The following WDR74 variants were observed in gnomAD, a reference collection of about 807,000 sequenced individuals.
The protein encoded by WDR74 is WD repeat domain 74.
Under a neutral mutation model 45.6 loss-of-function variants are expected in WDR74, and 31 were observed. The observed-to-expected ratio is 0.68, with a 90% confidence interval of 0.51 to 0.92. WDR74 has a LOEUF of 0.92. Ranked by LOEUF, WDR74 falls within the 40% of genes least tolerant of loss-of-function variation. The probability of loss-of-function intolerance (pLI) is 0.00; values close to 1 mark genes in which losing one functional copy is unlikely to be tolerated. For synonymous variants in WDR74, 191 were observed against 192.4 expected, an observed-to-expected ratio of 0.99 and a Z score of 0.06; for missense variants, 455 against 497.2, an observed-to-expected ratio of 0.92 and a Z score of 0.81.
chr11:62,839,096 C>T lies in WDR74; in HGVS notation c.293+18G>A, dbSNP rs1453693815. On this transcript the variant is annotated intron_variant, in intron 3 of 10. Transcript: ENST00000278856. ...GCTCTCCCTTCGGCCCTGAGTTTAG[C>T]GAGGGGATTGGTCTTACCCGTCGGC... 2 of 1,612,410 alleles carry T rather than the reference C, an allele frequency of 1.2e-6. No individual in the cohort carries two copies. The highest frequency in any genetic ancestry group is 1.7e-5 in the Admixed American group (1 of 60,004).
At chr11:62,841,457 T>A (rs547114062), upstream of WDR74, 1 of 152,200 alleles carries the variant, frequency 6.6e-6, no homozygotes, top group Non-Finnish European at 1.5e-5. Flanking sequence ...TGCTCAGTTA[T>A]AAAACAAAAC....
chr11:62,838,682 CG>C (rs2084995582), intron 3 of WDR74, among the ~76,000 whole-genome samples: 1 of 150,326 alleles, frequency 6.7e-6, no homozygotes, highest in South Asian at 2.1e-4. Flanking sequence ...CGCTTGAACC[CG>C]GGAGGCGGAG....
intron 6 of WDR74, chr11:62,834,740 C>A (rs1273733186): frequency 5.4e-6 from 3 of 551,732 alleles, no homozygotes; most frequent in South Asian, 4.7e-5. Context: ...GGGAGAGGTC[C>A]CCTAGGTTGG....
At position 62,833,026 on chromosome 11, in the gene WDR74, C is replaced by A; in HGVS notation, c.1084G>T (p.Gly362Cys). 1 of 1,609,952 alleles carries A rather than the reference C, an allele frequency of 6.2e-7. No homozygotes were observed. Among genetic ancestry groups the A allele is most frequent in the South Asian group, 1.1e-5 (1 of 90,306 alleles). Residue 362 changes from glycine (G) to cysteine (C), a missense_variant, in exon 11 of 11, where the codon GGT becomes TGT. Transcript: ENST00000278856. ...LEAAAKRKLS[G>C]LEQPQGALQT... is the part of the protein sequence containing the mutation. ...AGAGCTCCTTGGGGCTGCTCCAAAC[C>A]CGAGAGCTTCCGCTTGGCAGCTGCC...
chr11:62,839,776 T>C, upstream of WDR74: 1 of 668,992 alleles, frequency 1.5e-6, no homozygotes, highest in Non-Finnish European at 2.5e-6. Context: ...ATTTTGCACT[T>C]GGGGGTGAAA....
intron 3 of WDR74, among the ~76,000 whole-genome samples, chr11:62,838,377 A>C (rs1466222945): frequency 6.7e-6 from 1 of 149,870 alleles, no homozygotes; most frequent in Admixed American, 6.6e-5. Flanking sequence ...CTGGTCTTGA[A>C]CTCCTGACCT....
chr11:62,833,532 C>CAT (rs919546060), intron 10 of WDR74, 86 bp downstream of exon 10: 2 of 1,470,836 alleles, frequency 1.4e-6, no homozygotes, highest in African/African-American at 2.8e-5. Context: ...CCCAAGTCTG[C>CAT]ATTCCAGCTG....
intron 3 of WDR74, among the ~76,000 whole-genome samples, chr11:62,838,618 C>G (rs935605442): frequency 2.0e-5 from 3 of 151,762 alleles, no homozygotes; most frequent in Non-Finnish European, 4.4e-5. Context: ...AATAGCCGCG[C>G]GTGGTGGCAG....
upstream of WDR74, among the ~76,000 whole-genome samples, chr11:62,840,687 T>G (rs1458232415): frequency 6.6e-6 from 1 of 152,158 alleles, no homozygotes; most frequent in Admixed American, 6.5e-5. Flanking sequence ...TTATTTATTT[T>G]TTGAGATGGA....
At chr11:62,835,583 CCT>C (rs751545665) in intron 5 of WDR74, 51 bp from the exon 6 acceptor site, 30 of 1,612,778 alleles carry the variant, frequency 1.9e-5, no homozygotes, top group East Asian at 4.5e-5. Flanking sequence ...TCGATGTGCC[CCT>C]GTTTTCAGCC....
In WDR74 at chr11:62,833,784, C is replaced by G. The variant is rs1019488319; in HGVS notation, c.921+8G>C. The G allele has an allele frequency of 7.4e-6, 12 of 1,612,974 alleles. No individual in the cohort carries two copies. The highest frequency in any genetic ancestry group is 2.2e-5 in the East Asian group (1 of 44,856). ...GACCATGAGTTGGAGGTGGGAGAGACAACTTACCTTATGCTCCAGACCCCG... is the reference window on the plus strand; with the variant it reads ...GACCATGAGTTGGAGGTGGGAGAGAGAACTTACCTTATGCTCCAGACCCCG... On this transcript the variant is annotated splice_region_variant and intron_variant, in intron 9 of 10. Coordinates refer to ENST00000278856, the MANE Select transcript of WDR74 (RefSeq NM_001369450.1).
chr11:62,836,994 T>G (rs183073722), intron 3 of WDR74, among the ~76,000 whole-genome samples: 3 of 152,308 alleles, frequency 2.0e-5, no homozygotes, highest in Non-Finnish European at 4.4e-5. Context: ...GAGAATCGCC[T>G]GAACCAGGGA....
intron 3 of WDR74, chr11:62,836,343 C>A (rs1410312103): frequency 2.9e-6 from 1 of 348,946 alleles, no homozygotes; most frequent in Admixed American, 4.0e-5. Flanking sequence ...AACTAATTTG[C>A]CACTCAGCTA....
At chr11:62,839,591 A>G (rs776414054), upstream of WDR74, 7 of 1,590,628 alleles carry the variant, frequency 4.4e-6, no homozygotes, top group African/African-American at 1.3e-5. Context: ...GGAGGCAGAC[A>G]GTTCACACTT....
chr11:62,841,417 C>G (rs941922490), upstream of WDR74, among the ~76,000 whole-genome samples: 3 of 151,486 alleles, frequency 2.0e-5, no homozygotes, highest in South Asian at 2.1e-4. Flanking sequence ...ATGAAGATTG[C>G]TGAAGACCAC....
Position 62,833,933 on chromosome 11 carries a change from A to T in WDR74, c.780T>A (p.Arg260=). 6.2e-7 allele frequency: 1 copy of T among 1,613,420 alleles called. No homozygotes were observed. Among genetic ancestry groups the T allele is most frequent in the Non-Finnish European group, 8.5e-7 (1 of 1,179,588 alleles). The change falls in exon 9 of 11, where the codon CGT becomes CGA. Residue 260 remains arginine, a synonymous_variant. Transcript: ENST00000278856. ...CCAGCCCCTTCAGACAGCCCAGTAG[A>T]CGCCCTAGAGAAGGGGGGAAGCATC... is the stretch of plus-strand genomic sequence containing the variant. ...QLAEIDLRQG[R]LLGCLKGLAG...
At chr11:62,836,134 GA>G (rs370790176) in intron 3 of WDR74, 98 bp from the exon 4 acceptor site, 12,371 of 1,119,802 alleles carry the variant, frequency 0.011, 95 homozygotes, top group South Asian at 0.034. Flanking sequence ...AATGTTTAAA[GA>G]AAAAAAAAAG....
chr11:62,832,971 GGCC>G lies in WDR74; in HGVS notation c.1136_1138del (p.Arg379del). 6.2e-7 allele frequency: 1 copy of G among 1,607,118 alleles called. No individual in the cohort carries two copies. The highest frequency in any genetic ancestry group is 8.5e-7 in the Non-Finnish European group (1 of 1,177,102). On this transcript the variant is annotated inframe_deletion, in exon 11 of 11. Transcript: ENST00000278856. ...GGGGCGTCAGGGGCTGGTGGACCCA[GGCC>G]GCTTCTTCTTTCTCCGTCTCGTTTG... is the stretch of plus-strand genomic sequence containing the variant.
rs1436110401 is a variant in WDR74, at chr11:62,835,500, G to A, written c.549C>T (p.Pro183=). The A allele has an allele frequency of 6.2e-7, 1 of 1,613,860 alleles. No homozygotes were observed. The highest frequency in any genetic ancestry group is 8.5e-7 in the Non-Finnish European group (1 of 1,179,886). The change falls in exon 6 of 11, where the codon CCC becomes CCT. Residue 183 remains proline (P), a synonymous_variant. Transcript: ENST00000278856. ...VRNDWLDLRV[P]IWDQDIQFLP... is the part of the protein sequence containing the mutation. ...GAAACTGTATGTCCTGGTCCCAGAT[G>A]GGAACCCGCAAGTCCAGCCAGTCAT...
Sources: gnomAD v4.1 joint callset for allele counts (sites outside exome capture counted in the v4.1 genomes callset) on GRCh38, gnomAD v4.1.1 for gene constraint, MANE v1.5 for transcripts, NCBI Gene and HGNC (gene_info 2026-07-23, HGNC 2026-07-21) for gene names.